Variants in ROBO2 observed in about 807,000 individuals in gnomAD.
ROBO2 encodes roundabout homolog 2.
In ROBO2, 53 loss-of-function variants were observed where a neutral mutation model predicts 160.8. The observed-to-expected ratio is 0.33, with a 90% CI of 0.26 to 0.41. The LOEUF (loss-of-function observed/expected upper bound fraction) is 0.41. Ranked by LOEUF, ROBO2 falls within the 10% of genes least tolerant of loss-of-function variation. The pLI, the probability that ROBO2 is intolerant of heterozygous loss-of-function variation, is 1.00. For synonymous variants in ROBO2, 664 were observed against 611.7 expected (o/e 1.09, Z -1.26); for missense variants, 1,577 against 1,722.4 (o/e 0.92, Z 1.49).
intron 2 of ROBO2, among the ~76,000 whole-genome samples, chr3:76,652,513 AT>A (rs2091300961): frequency 6.6e-6 from 1 of 152,116 alleles, no homozygotes; most frequent in Non-Finnish European, 1.5e-5. Flanking sequence ...TGTACCTTAA[AT>A]TCAGATGAGT....
chr3:77,293,186 T>C (rs546898958), intron 2 of ROBO2, among the ~76,000 whole-genome samples: 1 of 143,664 alleles, frequency 7.0e-6, no homozygotes, highest in South Asian at 2.2e-4. Flanking sequence ...AGTAAAGACA[T>C]AAAGTAAAAT....
At chr3:77,060,830 C>A (rs2066226030) in intron 1 of ROBO2, among the ~76,000 whole-genome samples, 2 of 152,174 alleles carry the variant, frequency 1.3e-5, no homozygotes, top group South Asian at 2.1e-4. Context: ...AGGCACCAAG[C>A]AATTTATGTT....
intron 2 of ROBO2, among the ~76,000 whole-genome samples, chr3:77,195,186 C>T (rs925114306): frequency 1.3e-5 from 2 of 151,990 alleles, no homozygotes; most frequent in Non-Finnish European, 2.9e-5. Context: ...CTTTTTTCCC[C>T]GTTAAATTTG....
intron 2 of ROBO2, among the ~76,000 whole-genome samples, chr3:76,626,911 C>T (rs1458975503): frequency 6.6e-6 from 1 of 152,092 alleles, no homozygotes; most frequent in Non-Finnish European, 1.5e-5. Context: ...AGGATGGTCT[C>T]AATCTCCTGA....
chr3:76,476,089 G>A (rs891968292), intron 2 of ROBO2, among the ~76,000 whole-genome samples: 6 of 152,166 alleles, frequency 3.9e-5, no homozygotes, highest in African/African-American at 1.2e-4. Flanking sequence ...GGAGGTGGAG[G>A]TTTCAGTGAA....
Position 77,564,171 on chromosome 3 carries a change from A to G in ROBO2, c.1683-783A>G, listed in dbSNP as rs114503396. Among the ~76,000 whole-genome samples the G allele has an allele frequency of 1.4e-3, 210 of 152,234 alleles. 1 individual carries two copies. Among genetic ancestry groups the G allele is most frequent in the African/African-American group, 4.8e-3 (200 of 41,556 alleles). ...AATTTCAAAATACTACGTTTCTATC[A>G]TTCTTATGCGTGGACAGTTAAGCAT... is the stretch of plus-strand genomic sequence containing the variant. On this transcript the variant is annotated intron_variant, in intron 11 of 25. Transcript: ENST00000461745.
intron 2 of ROBO2, among the ~76,000 whole-genome samples, chr3:77,467,628 T>A (rs1235254367): frequency 7.0e-6 from 1 of 142,124 alleles, no homozygotes; most frequent in South Asian, 2.3e-4. Flanking sequence ...TCTATCTATC[T>A]ATCATCTATC....
intron 2 of ROBO2, among the ~76,000 whole-genome samples, chr3:76,963,833 C>A: frequency 1.3e-5 from 1 of 75,202 alleles, no homozygotes; most frequent in African/African-American, 7.2e-5. Flanking sequence ...CTATGAGGAA[C>A]TGCAAAAAAA....
intron 2 of ROBO2, among the ~76,000 whole-genome samples, chr3:77,455,126 A>G (rs906256191): frequency 1.3e-5 from 2 of 152,228 alleles, no homozygotes; most frequent in African/African-American, 4.8e-5. Flanking sequence ...GCTGACCCCA[A>G]AACAGTACAT....
chr3:77,081,486 C>T lies in ROBO2; in HGVS notation c.62-16528C>T, dbSNP rs114063533. On this transcript the variant is annotated intron_variant, in intron 1 of 25. Coordinates refer to ENST00000461745, the Ensembl canonical transcript of ROBO2. Reference sequence around the variant, plus strand: ...GGCAAATACAACTTCTGGAGACTAACGTGATGAGCTGGGCAAAAATGGAAC... The same window carrying T: ...GGCAAATACAACTTCTGGAGACTAATGTGATGAGCTGGGCAAAAATGGAAC... Among the ~76,000 whole-genome samples the T allele has an allele frequency of 1.7e-3, 252 of 152,276 alleles. 2 individuals carry two copies. Among genetic ancestry groups the T allele is most frequent in the African/African-American group, 5.0e-3 (207 of 41,568 alleles).
At chr3:77,480,242 T>G (rs886410511) in intron 3 of ROBO2, among the ~76,000 whole-genome samples, 2 of 152,060 alleles carry the variant, frequency 1.3e-5, no homozygotes, top group African/African-American at 4.8e-5. Flanking sequence ...CATGTTCTTA[T>G]CTTGTATTTC....
intron 2 of ROBO2, among the ~76,000 whole-genome samples, chr3:77,264,951 G>A (rs2059033192): frequency 6.6e-6 from 1 of 152,064 alleles, no homozygotes; most frequent in Non-Finnish European, 1.5e-5. Context: ...CTTTATTCTT[G>A]TTCCTTTAGA....
At chr3:76,741,535 A>G (rs2108043539) in intron 2 of ROBO2, among the ~76,000 whole-genome samples, 1 of 152,202 alleles carries the variant, frequency 6.6e-6, no homozygotes, top group Admixed American at 6.5e-5. Flanking sequence ...GTGGACTGCA[A>G]GGTTAACACC....
chr3:76,023,550 C>A (rs2066639251), intron 2 of ROBO2, among the ~76,000 whole-genome samples: 1 of 151,590 alleles, frequency 6.6e-6, no homozygotes, highest in Admixed American at 6.6e-5. Context: ...ACTGAGAACA[C>A]ACATGATATT....
At chr3:77,457,304 T>C (rs947531772) in intron 2 of ROBO2, among the ~76,000 whole-genome samples, 5 of 152,072 alleles carry the variant, frequency 3.3e-5, no homozygotes, top group African/African-American at 1.2e-4. Context: ...TTATTTCAAC[T>C]TTTTTTCTTT....
chr3:75,992,063 A>C (rs948974245), intron 2 of ROBO2, among the ~76,000 whole-genome samples: 1 of 152,174 alleles, frequency 6.6e-6, no homozygotes, highest in African/African-American at 2.4e-5. Flanking sequence ...ACAGAGCATA[A>C]AAGTTTGGAA....
intron 2 of ROBO2, among the ~76,000 whole-genome samples, chr3:75,952,020 CT>C (rs1948556967): frequency 6.6e-6 from 1 of 151,828 alleles, no homozygotes; most frequent in Non-Finnish European, 1.5e-5. Flanking sequence ...ATAAATTGAC[CT>C]TTTGATAACT....
At chr3:77,556,585 T>C (rs1282826346) in intron 8 of ROBO2, among the ~76,000 whole-genome samples, 3 of 151,854 alleles carry the variant, frequency 2.0e-5, no homozygotes, top group Non-Finnish European at 4.4e-5. Flanking sequence ...CTAGTAAATA[T>C]GATGCAAGTA....
At chr3:76,139,450 T>C (rs1431245654) in intron 2 of ROBO2, among the ~76,000 whole-genome samples, 1 of 152,096 alleles carries the variant, frequency 6.6e-6, no homozygotes, top group Admixed American at 6.6e-5. Context: ...CAGTGAAATA[T>C]TGAAACCAAG....
Sources: gnomAD v4.1 joint callset for allele counts (sites outside exome capture counted in the v4.1 genomes callset) on GRCh38, gnomAD v4.1.1 for gene constraint, MANE v1.5 for transcripts, NCBI Gene and HGNC (gene_info 2026-07-23, HGNC 2026-07-21) for gene names.